The following SPOCK3 variants were observed in gnomAD, a reference collection of about 807,000 sequenced individuals.
SPOCK3 encodes testican-3.
A neutral mutation model predicts 56.6 loss-of-function variants in SPOCK3; 30 were observed. That is an observed-to-expected ratio of 0.53 (90% CI 0.40 to 0.72). The LOEUF (loss-of-function observed/expected upper bound fraction) is 0.72. Ranked by LOEUF, SPOCK3 falls within the 30% of genes least tolerant of loss-of-function variation. SPOCK3 has a pLI of 0.00. For synonymous variants in SPOCK3, 196 were observed against 183.3 expected, an observed-to-expected ratio of 1.07 and a Z score of -0.56; for missense variants, 527 against 530.0, an observed-to-expected ratio of 0.99 and a Z score of 0.06.
At chr4:166,910,183 G>C (rs932620288) in intron 5 of SPOCK3, among the ~76,000 whole-genome samples, 1 of 152,188 alleles carries the variant, frequency 6.6e-6, no homozygotes, top group East Asian at 1.9e-4. Flanking sequence ...AGGATGGATG[G>C]TTCAAAGTGG....
chr4:167,119,851 G>T, intron 2 of SPOCK3: 3 of 1,527,378 alleles, frequency 2.0e-6, no homozygotes, highest in Non-Finnish European at 2.6e-6. Flanking sequence ...CTACTGTCCT[G>T]TCAAATAATC....
intron 7 of SPOCK3, among the ~76,000 whole-genome samples, chr4:166,762,561 C>G (rs142217418): frequency 2.0e-5 from 3 of 152,030 alleles, no homozygotes; most frequent in African/African-American, 7.2e-5. Flanking sequence ...TCTGAAAGCT[C>G]AGACTCAGTT....
chr4:167,133,051 T>G (rs1762828229), intron 2 of SPOCK3, among the ~76,000 whole-genome samples: 1 of 152,170 alleles, frequency 6.6e-6, no homozygotes, highest in Non-Finnish European at 1.5e-5. Context: ...TTATTGCCTA[T>G]AGTAGGCAAA....
At chr4:166,943,902 T>G (rs1395465521) in intron 4 of SPOCK3, among the ~76,000 whole-genome samples, 1 of 152,138 alleles carries the variant, frequency 6.6e-6, no homozygotes, top group African/African-American at 2.4e-5. Flanking sequence ...TCCCAGCACT[T>G]TGGGAGGCCA....
chr4:167,012,789 C>T (rs1409566299), intron 3 of SPOCK3, among the ~76,000 whole-genome samples: 2 of 151,902 alleles, frequency 1.3e-5, no homozygotes, highest in Non-Finnish European at 2.9e-5. Flanking sequence ...AATAATAAAG[C>T]ATTAAATATG....
chr4:166,820,263 T>A (rs28494108), intron 6 of SPOCK3, among the ~76,000 whole-genome samples: 1 of 151,974 alleles, frequency 6.6e-6, no homozygotes, highest in African/African-American at 2.4e-5. Flanking sequence ...TATGTTTGAT[T>A]TAGTCATTCC....
chr4:167,058,331 T>A (rs1755147515), intron 3 of SPOCK3, among the ~76,000 whole-genome samples: 1 of 152,128 alleles, frequency 6.6e-6, no homozygotes, highest in Admixed American at 6.6e-5. Context: ...TGTACAAAAA[T>A]CACAAGCATT....
chr4:166,875,693 C>T (rs1579504821), intron 6 of SPOCK3, among the ~76,000 whole-genome samples: 2 of 152,134 alleles, frequency 1.3e-5, no homozygotes, highest in East Asian at 1.9e-4. Flanking sequence ...AAACTAGGAG[C>T]GGAAATTACA....
intron 2 of SPOCK3, among the ~76,000 whole-genome samples, chr4:167,139,888 C>T (rs72975523): frequency 2.1e-3 from 324 of 151,748 alleles, no homozygotes; most frequent in African/African-American, 7.6e-3. Context: ...CTCAGTTGTC[C>T]CCATGTAACC....
intron 4 of SPOCK3, among the ~76,000 whole-genome samples, chr4:166,965,016 A>G (rs1744563234): frequency 6.6e-6 from 1 of 151,990 alleles, no homozygotes; most frequent in South Asian, 2.1e-4. Context: ...GCATCTGGCA[A>G]TGAAGCCATT....
intron 9 of SPOCK3, among the ~76,000 whole-genome samples, chr4:166,738,933 T>A (rs2126370553): frequency 6.6e-6 from 1 of 152,236 alleles, no homozygotes; most frequent in South Asian, 2.1e-4. Context: ...TAAATATACG[T>A]GTGCATGTGT....
chr4:167,049,463 T>C (rs1386397758), intron 3 of SPOCK3, among the ~76,000 whole-genome samples: 1 of 152,192 alleles, frequency 6.6e-6, no homozygotes, highest in Non-Finnish European at 1.5e-5. Flanking sequence ...GGTGTCTCAA[T>C]GAGGATTTTG....
At chr4:166,765,373 A>C (rs547817989) in intron 7 of SPOCK3, among the ~76,000 whole-genome samples, 27 of 152,358 alleles carry the variant, frequency 1.8e-4, no homozygotes, top group African/African-American at 6.5e-4. Context: ...ATAAGACATA[A>C]GGAAGGGATC....
At chr4:167,150,603 A>G (rs1764331231) in intron 2 of SPOCK3, among the ~76,000 whole-genome samples, 1 of 152,224 alleles carries the variant, frequency 6.6e-6, no homozygotes, top group Non-Finnish European at 1.5e-5. Context: ...AGGAAAATAG[A>G]AAACCCGTAG....
At position 166,912,635 on chromosome 4, in the gene SPOCK3, A is replaced by G; in HGVS notation, c.459T>C (p.His153=). 1.9e-6 allele frequency: 3 copies of G among 1,613,700 alleles called. No individual in the cohort carries two copies. The highest frequency in any genetic ancestry group is 2.7e-5 in the African/African-American group (2 of 75,010). The stretch of plus-strand genomic sequence containing the variant: ...GTGTCTTTACCTGAAAAGAGTAGGT[A>G]TGACCATCTGAACCACAAACAGGGC... The part of the protein sequence containing the change: ...YPSPVCGSDG[H]TYSFQCKLEY... The change falls in exon 5 of 11, where the codon CAT becomes CAC. Residue 153 remains histidine (H), a synonymous_variant. Coordinates refer to ENST00000357545, the MANE Select transcript of SPOCK3 (RefSeq NM_001040159.2).
At chr4:167,207,319 C>G (rs1234601546) in intron 2 of SPOCK3, among the ~76,000 whole-genome samples, 1 of 151,762 alleles carries the variant, frequency 6.6e-6, no homozygotes, top group Non-Finnish European at 1.5e-5. Flanking sequence ...TCCAATACTA[C>G]GACTCTCAGA....
At chr4:166,979,037 T>A (rs879696608) in intron 4 of SPOCK3, among the ~76,000 whole-genome samples, 3 of 152,158 alleles carry the variant, frequency 2.0e-5, no homozygotes, top group Admixed American at 2.0e-4. Context: ...ATAATTCTGT[T>A]TTTCAAACAC....
intron 4 of SPOCK3, among the ~76,000 whole-genome samples, chr4:166,975,317 G>T (rs1479677551): frequency 1.3e-5 from 2 of 152,120 alleles, no homozygotes; most frequent in African/African-American, 4.8e-5. Context: ...CAAAATGCCA[G>T]ATTCATGTAT....
At chr4:166,737,862 T>A (rs1463449177) in intron 9 of SPOCK3, among the ~76,000 whole-genome samples, 1 of 152,164 alleles carries the variant, frequency 6.6e-6, no homozygotes, top group East Asian at 1.9e-4. Context: ...AGTACTATCT[T>A]ACTAGTTCTC....
Sources: allele counts gnomAD v4.1 joint callset (sites outside exome capture counted in the v4.1 genomes callset), GRCh38; gene constraint gnomAD v4.1.1; transcripts MANE v1.5; gene names NCBI Gene and HGNC (gene_info 2026-07-23, HGNC 2026-07-21).